Variants in CHODL observed in about 807,000 individuals in gnomAD.
CHODL encodes the protein transmembrane protein MT75.
CHODL carries 29 observed loss-of-function variants against 34.5 expected under a neutral mutation model. The ratio of observed to expected loss-of-function variants is 0.84; its 90% CI spans 0.63 to 1.15. The LOEUF (loss-of-function observed/expected upper bound fraction) is 1.15. Ranked by LOEUF, CHODL falls within the 50% of genes most tolerant of loss-of-function variation. CHODL has a pLI of 0.00. For missense variants in CHODL, 332 were observed against 332.5 expected, an observed-to-expected ratio of 1.00 and a Z score of 0.01; for synonymous variants, 125 against 116.1, an observed-to-expected ratio of 1.08 and a Z score of -0.49.
intron 2 of CHODL, among the ~76,000 whole-genome samples, chr21:18,081,536 C>A (rs551701313): frequency 6.6e-6 from 1 of 152,082 alleles, no homozygotes; most frequent in African/African-American, 2.4e-5. Flanking sequence ...CAAAAATTAG[C>A]CAGGCATGGT....
chr21:17,936,938 G>A (rs2063324007), intron 1 of CHODL, among the ~76,000 whole-genome samples: 1 of 152,112 alleles, frequency 6.6e-6, no homozygotes, highest in African/African-American at 2.4e-5. Context: ...GCTGGGCGTG[G>A]TGGTGGGCTT....
chr21:18,245,187 C>G lies in CHODL; in HGVS notation c.-37C>G, dbSNP rs1248881165. On this transcript the variant is annotated 5_prime_UTR_variant, in exon 1 of 6. Coordinates refer to ENST00000299295, the MANE Select transcript of CHODL (RefSeq NM_024944.3). ...CTGCGCCCTGGGCAGAGGCCGCCCT[C>G]GCTCCACGCAACACCTGCTGCTGCC... 4 of 1,498,514 alleles carry G rather than the reference C, an allele frequency of 2.7e-6. No homozygotes were observed. In the African/African-American group the frequency reaches 4.3e-5, roughly 16 times the overall value. 92.8% of individuals were successfully genotyped at this position (1,498,514 alleles called of 1,614,324 possible).
Position 17,939,361 on chromosome 21 carries a change from C to T in CHODL, c.-145+21961C>T, listed in dbSNP as rs114691710. Among the ~76,000 whole-genome samples the T allele has an allele frequency of 7.3e-3, 1,112 of 152,260 alleles. 15 individuals are homozygous for T. Among genetic ancestry groups the T allele is most frequent in the African/African-American group, 0.025 (1,031 of 41,544 alleles). On this transcript the variant is annotated intron_variant, in intron 1 of 6. Transcript: ENST00000400127. The stretch of plus-strand genomic sequence containing the variant: ...CTTTCTGTGGTTGGTTTATTTCATT[C>T]AGTATAATGCCCTTAAGTTTCATCC...
chr21:18,112,899 G>A (rs2065368774), intron 2 of CHODL, among the ~76,000 whole-genome samples: 1 of 152,112 alleles, frequency 6.6e-6, no homozygotes, highest in Non-Finnish European at 1.5e-5. Context: ...GGCAACCAAA[G>A]CAAAAATGGA....
At position 18,213,152 on chromosome 21, in the gene CHODL, G is replaced by A. The variant is rs114757735; in HGVS notation, c.-44-43357G>A. On this transcript the variant is annotated intron_variant, in intron 2 of 6. Transcript: ENST00000400127. ...TGGAATTGCAAGTAATGATTTGATC[G>A]AAGATACATCTTTTGAGACACTCTT... Among the ~76,000 whole-genome samples, 627 of 152,176 alleles carry A rather than the reference G, an allele frequency of 4.1e-3. 5 individuals are homozygous for A. Among genetic ancestry groups the A allele is most frequent in the African/African-American group, 0.014 (589 of 41,550 alleles).
At chr21:17,919,340 A>G (rs1370129913) in intron 1 of CHODL, among the ~76,000 whole-genome samples, 1 of 152,140 alleles carries the variant, frequency 6.6e-6, no homozygotes, top group Non-Finnish European at 1.5e-5. Context: ...GCATTTCCAT[A>G]CATCCTCTGA....
chr21:18,128,296 CAAAAAAAAAAAAAAAAAAAAAAAA>C (rs71189585), intron 2 of CHODL, among the ~76,000 whole-genome samples: 11 of 28,044 alleles, frequency 3.9e-4, no homozygotes, highest in South Asian at 5.1e-3. Context: ...GCAAGAGTCT[CAAAAAAAAAAAAAAAAAAAAAAAA>C]AAAAAAAAAA....
intron 2 of CHODL, among the ~76,000 whole-genome samples, chr21:18,213,095 A>G (rs1568939698): frequency 6.6e-6 from 1 of 152,164 alleles, no homozygotes; most frequent in Non-Finnish European, 1.5e-5. Flanking sequence ...CAAATCTGAC[A>G]TATGAACAAT....
intron 2 of CHODL, among the ~76,000 whole-genome samples, chr21:18,087,052 G>A (rs1192592047): frequency 6.6e-6 from 1 of 152,172 alleles, no homozygotes; most frequent in Non-Finnish European, 1.5e-5. Context: ...AGAGCACTGG[G>A]TATTGTTCTA....
intron 2 of CHODL, among the ~76,000 whole-genome samples, chr21:18,231,378 C>T (rs544975162): frequency 9.2e-5 from 14 of 152,138 alleles, no homozygotes; most frequent in East Asian, 1.9e-4. Flanking sequence ...AGCCACTGTG[C>T]GTGTGCTATA....
intron 2 of CHODL, among the ~76,000 whole-genome samples, chr21:18,093,719 G>C (rs2065103131): frequency 6.6e-6 from 1 of 151,890 alleles, no homozygotes; most frequent in Non-Finnish European, 1.5e-5. Context: ...ACATCAAATT[G>C]AAAATCATAC....
Position 18,082,317 on chromosome 21 carries a change from A to G in CHODL, c.-45+54346A>G, listed in dbSNP as rs1263110875. 1.3e-5 allele frequency among the ~76,000 whole-genome samples: 2 copies of G among 152,262 alleles called. 1 individual carries two copies. The highest frequency in any genetic ancestry group is 4.1e-4 in the South Asian group (2 of 4,828). Reference sequence around the variant, plus strand: ...TCATGCTTCCCATTAAGCCTGTGGAACTGTGAGTCAATTAAACCTCCTTTC... The same window carrying G: ...TCATGCTTCCCATTAAGCCTGTGGAGCTGTGAGTCAATTAAACCTCCTTTC... On this transcript the variant is annotated intron_variant, in intron 2 of 6. Coordinates refer to the CHODL transcript ENST00000400127.
chr21:17,921,065 A>AGGAT (rs1411498187), intron 1 of CHODL, among the ~76,000 whole-genome samples: 1 of 152,228 alleles, frequency 6.6e-6, no homozygotes, highest in Non-Finnish European at 1.5e-5. Flanking sequence ...CAGGACCAAT[A>AGGAT]GGATGGATGG....
rs755547807 is a variant in CHODL at position 18,256,539 on chromosome 21, A to T, written c.110A>T (p.His37Leu). The T allele has an allele frequency of 6.2e-7, 1 of 1,611,574 alleles. No individual in the cohort carries two copies. Among genetic ancestry groups the T allele is most frequent in the South Asian group, 1.1e-5 (1 of 90,964 alleles). Residue 37 changes from histidine to leucine, a missense_variant, in exon 2 of 6, where the codon CAT becomes CTT. Transcript: ENST00000299295. ...AAGGTGTGTTTTGCTGACTTCAAGC[A>T]TCCCTGCTACAAAATGGCCTACTTC... ...GQKVCFADFK[H>L]PCYKMAYFHE...
At chr21:18,218,375 G>T (rs2146734380) in intron 2 of CHODL, among the ~76,000 whole-genome samples, 1 of 152,330 alleles carries the variant, frequency 6.6e-6, no homozygotes, top group South Asian at 2.1e-4. Flanking sequence ...GCCATGGCCT[G>T]AACTGTACCT....
chr21:18,042,475 A>AAATTCTCATTTTGT (rs1260030794), intron 2 of CHODL, among the ~76,000 whole-genome samples: 2 of 151,974 alleles, frequency 1.3e-5, no homozygotes, highest in East Asian at 3.9e-4. Context: ...ATTTATTCTA[A>AAATTCTCATTTTGT]AATTCTCATT....
Position 18,266,160 on chromosome 21 carries a change from C to A in CHODL, c.*122C>A. 1 of 1,578,944 alleles carries A rather than the reference C, an allele frequency of 6.3e-7. No individual in the cohort carries two copies. The highest frequency in any genetic ancestry group is 1.8e-5 in the Admixed American group (1 of 54,574). On this transcript the variant is annotated 3_prime_UTR_variant, in exon 6 of 6. Coordinates refer to ENST00000299295, the MANE Select transcript of CHODL (RefSeq NM_024944.3). ...TCTGCAAGATGAACTGTAAGCTCCC[C>A]CTTGAGGCAAATATTAAAGTAATTT...
intron 2 of CHODL, among the ~76,000 whole-genome samples, chr21:18,053,910 A>T (rs2064547000): frequency 6.7e-6 from 1 of 149,814 alleles, no homozygotes; most frequent in Admixed American, 6.7e-5. Context: ...GATATGACAT[A>T]TGATATATGA....
chr21:18,233,172 C>G (rs907084818), intron 2 of CHODL, among the ~76,000 whole-genome samples: 1 of 151,900 alleles, frequency 6.6e-6, no homozygotes, highest in African/African-American at 2.4e-5. Context: ...CTTTCTGCTT[C>G]TATGAGATGG....
Sources: allele counts gnomAD v4.1 joint callset (sites outside exome capture counted in the v4.1 genomes callset), GRCh38; gene constraint gnomAD v4.1.1; transcripts MANE v1.5; gene names NCBI Gene and HGNC (gene_info 2026-07-23, HGNC 2026-07-21).